The following GOLGA5 variants were observed in gnomAD, a reference collection of about 807,000 sequenced individuals.
GOLGA5 encodes the protein golgin A5, also known as golgin subfamily A member 5.
In GOLGA5, 50 loss-of-function variants were observed where a neutral mutation model predicts 93.5. That is an observed-to-expected ratio of 0.53 (90% CI 0.43 to 0.68). The LOEUF is 0.68. GOLGA5 is among the 30% of genes least tolerant of loss of function. GOLGA5 has a pLI of 0.00. For missense variants in GOLGA5, 760 were observed against 856.4 expected, an observed-to-expected ratio of 0.89 and a Z score of 1.40; for synonymous variants, 312 against 304.5, an observed-to-expected ratio of 1.02 and a Z score of -0.26.
intron 2 of GOLGA5, among the ~76,000 whole-genome samples, chr14:92,803,778 A>G (rs917110286): frequency 6.6e-6 from 1 of 152,256 alleles, no homozygotes; most frequent in Non-Finnish European, 1.5e-5. Context: ...TGTGTGAAGA[A>G]TATCAGTATC....
At chr14:92,811,310 A>G (rs983954579) in intron 5 of GOLGA5, among the ~76,000 whole-genome samples, 8 of 152,188 alleles carry the variant, frequency 5.3e-5, no homozygotes, top group Admixed American at 5.2e-4. Context: ...AGCTTGGGAA[A>G]GGCCTTGGAT....
At chr14:92,801,434 T>A (rs1460315007) in intron 2 of GOLGA5, among the ~76,000 whole-genome samples, 1 of 152,226 alleles carries the variant, frequency 6.6e-6, no homozygotes, top group East Asian at 1.9e-4. Context: ...AACTTTCATT[T>A]TCTGGAAGTG....
chr14:92,804,640 TGTA>T (rs1369004081), intron 2 of GOLGA5, among the ~76,000 whole-genome samples: 3 of 150,948 alleles, frequency 2.0e-5, no homozygotes, highest in East Asian at 3.9e-4. Flanking sequence ...ACCTTAAAAA[TGTA>T]ATAATTTCTT....
Position 92,802,036 on chromosome 14 carries a change from T to A in GOLGA5, c.544+4055T>A, listed in dbSNP as rs137876026. Among the ~76,000 whole-genome samples, 98 of 152,340 alleles carry A rather than the reference T, an allele frequency of 6.4e-4. 1 individual carries two copies. The East Asian group carries it at 0.018, about 29-fold the overall frequency. On this transcript the variant is annotated intron_variant, in intron 2 of 12. Transcript: ENST00000163416. ...GACCTTTCCACTCCTGTATGCATTT[T>A]AGGATTTGCTCATCAAGTTTCACAG... is the stretch of plus-strand genomic sequence containing the variant.
At chr14:92,832,077 C>T (rs1251931546) in intron 9 of GOLGA5, among the ~76,000 whole-genome samples, 1 of 152,116 alleles carries the variant, frequency 6.6e-6, no homozygotes, top group African/African-American at 2.4e-5. Context: ...AAAATTGACT[C>T]CCATAAAACA....
intron 2 of GOLGA5, 123 bp downstream of exon 2, chr14:92,798,104 T>C: frequency 1.5e-6 from 1 of 686,350 alleles, no homozygotes; most frequent in South Asian, 1.8e-5. Flanking sequence ...GGGCAGACTC[T>C]CTGCAAATGT....
chr14:92,823,775 T>A (rs188937761), intron 8 of GOLGA5, among the ~76,000 whole-genome samples: 485 of 152,202 alleles, frequency 3.2e-3, no homozygotes, highest in Middle Eastern at 0.014. Flanking sequence ...TAGTTTTTTT[T>A]AAAAAAAGCA....
chr14:92,833,696 C>A, intron 10 of GOLGA5, among the ~76,000 whole-genome samples: 1 of 152,188 alleles, frequency 6.6e-6, no homozygotes, highest in East Asian at 1.9e-4. Context: ...TAAATAGTTA[C>A]GGGTATTAGA....
chr14:92,796,078 G>T (rs1274098126), intron 1 of GOLGA5, among the ~76,000 whole-genome samples: 1 of 152,206 alleles, frequency 6.6e-6, no homozygotes, highest in Non-Finnish European at 1.5e-5. Context: ...CACATGGTAG[G>T]TATTGAGTAT....
At chr14:92,801,328 A>G (rs1884865127) in intron 2 of GOLGA5, among the ~76,000 whole-genome samples, 1 of 152,114 alleles carries the variant, frequency 6.6e-6, no homozygotes, top group South Asian at 2.1e-4. Flanking sequence ...TTTATTTTCA[A>G]TTTGACTTTT....
intron 8 of GOLGA5, among the ~76,000 whole-genome samples, chr14:92,822,223 A>AT (rs1885330555): frequency 1.3e-5 from 2 of 151,942 alleles, no homozygotes; most frequent in Non-Finnish European, 1.5e-5. Context: ...ACCTCTCTTG[A>AT]TTTTTTTCCA....
At chr14:92,795,047 C>T (rs1202366265) in intron 1 of GOLGA5, among the ~76,000 whole-genome samples, 5 of 151,744 alleles carry the variant, frequency 3.3e-5, no homozygotes, top group African/African-American at 1.2e-4. Context: ...GTTTTAAAGC[C>T]CAATTAATTT....
intron 9 of GOLGA5, among the ~76,000 whole-genome samples, chr14:92,832,071 T>G (rs958040197): frequency 6.6e-6 from 1 of 152,150 alleles, no homozygotes; most frequent in Non-Finnish European, 1.5e-5. Context: ...GGAGGCAAAA[T>G]TGACTCCCAT....
chr14:92,797,817 T>G lies in GOLGA5; in HGVS notation c.380T>G (p.Leu127Arg), dbSNP rs577055972. ...GATGATGAGCTGCTGTTTGATTTTC[T>G]TAATAGTTCACAGAAGGAGCCTACC... Reference protein sequence around the residue: ...EPDDELLFDFLNSSQKEPTGR... With the variant: ...EPDDELLFDFRNSSQKEPTGR... Residue 127 changes from leucine to arginine, a missense_variant, in exon 2 of 13, where the codon CTT becomes CGT. Coordinates refer to ENST00000163416, the MANE Select transcript of GOLGA5 (RefSeq NM_005113.4). 1.2e-6 allele frequency: 2 copies of G among 1,614,124 alleles called. No homozygotes were observed. The highest frequency in any genetic ancestry group is 1.1e-5 in the South Asian group (1 of 91,074).
At chr14:92,803,999 C>G (rs1052802038) in intron 2 of GOLGA5, among the ~76,000 whole-genome samples, 44 of 152,130 alleles carry the variant, frequency 2.9e-4, no homozygotes, top group African/African-American at 9.4e-4. Flanking sequence ...TGCTGATCCT[C>G]TCTAGTATGT....
At chr14:92,829,792 A>T (rs772954564) in intron 9 of GOLGA5, among the ~76,000 whole-genome samples, 8 of 152,240 alleles carry the variant, frequency 5.3e-5, no homozygotes, top group Non-Finnish European at 8.8e-5. Context: ...TGATGTGAGT[A>T]AAATGCTATC....
chr14:92,810,220 C>T, intron 4 of GOLGA5, 34 bp from the exon 5 acceptor site: 1 of 1,541,946 alleles, frequency 6.5e-7, no homozygotes. Context: ...ACACTGTAGA[C>T]ATGAGTTATT....
intron 9 of GOLGA5, among the ~76,000 whole-genome samples, chr14:92,829,733 A>G (rs1379366618): frequency 6.6e-6 from 1 of 152,222 alleles, no homozygotes; most frequent in Non-Finnish European, 1.5e-5. Flanking sequence ...TTAGTTGATG[A>G]AGCACTGGCA....
At chr14:92,836,011 A>T (rs534428091) in intron 11 of GOLGA5, among the ~76,000 whole-genome samples, 3 of 152,170 alleles carry the variant, frequency 2.0e-5, no homozygotes, top group Admixed American at 6.5e-5. Context: ...CCTCTACTTC[A>T]TGTAAAAGTA....
Sources: gnomAD v4.1 joint callset for allele counts (sites outside exome capture counted in the v4.1 genomes callset) on GRCh38, gnomAD v4.1.1 for gene constraint, MANE v1.5 for transcripts, NCBI Gene and HGNC (gene_info 2026-07-23, HGNC 2026-07-21) for gene names.